Variants in NLGN1 observed in about 807,000 individuals in gnomAD.
NLGN1 encodes neuroligin-1.
A neutral mutation model predicts 65.5 loss-of-function variants in NLGN1; 12 were observed. The observed-to-expected ratio is 0.18, with a 90% CI of 0.12 to 0.30. NLGN1 has a LOEUF of 0.30. Ranked by LOEUF, NLGN1 falls within the 10% of genes least tolerant of loss-of-function variation. The pLI is 1.00. For missense variants in NLGN1, 750 were observed against 1,007.1 expected (o/e 0.74, Z 3.46); for synonymous variants, 350 against 359.5 (o/e 0.97, Z 0.30).
Position 174,280,985 on chromosome 3 carries a change from T to C in NLGN1, c.2154T>C (p.Thr718=), listed in dbSNP as rs767500671. Residue 718 remains threonine, a synonymous_variant, in exon 7 of 7, where the codon ACT becomes ACC. Transcript: ENST00000457714. The surrounding 1 kb of genome is among the most constrained non-coding windows in gnomAD (Gnocchi z 4.9). ...GGAGATGCAGCCCTCAGCGCACTAC[T>C]ACCAATGATCTAACCCATGCACAAG... is the stretch of plus-strand genomic sequence containing the variant. 11 of 1,613,282 alleles carry C rather than the reference T, an allele frequency of 6.8e-6. No individual in the cohort carries two copies. Among genetic ancestry groups the C allele is most frequent in the Non-Finnish European group, 9.3e-6 (11 of 1,179,608 alleles).
intron 4 of NLGN1, among the ~76,000 whole-genome samples, chr3:174,027,492 G>A (rs975388080): frequency 2.6e-5 from 4 of 152,140 alleles, no homozygotes; most frequent in Non-Finnish European, 5.9e-5. Flanking sequence ...GGTGCCAGAT[G>A]TATTTCAGAA....
At chr3:174,072,039 T>G (rs967125568) in intron 4 of NLGN1, among the ~76,000 whole-genome samples, 4 of 152,010 alleles carry the variant, frequency 2.6e-5, no homozygotes, top group African/African-American at 7.2e-5. Flanking sequence ...AATTAAAAGG[T>G]GGAAAAGATG....
downstream of NLGN1, among the ~76,000 whole-genome samples, chr3:174,291,619 T>A (rs1752771182): frequency 6.6e-6 from 1 of 151,306 alleles, no homozygotes; most frequent in Non-Finnish European, 1.5e-5. Context: ...GACGTTAGAA[T>A]GTAAGCAAGT....
intron 2 of NLGN1, among the ~76,000 whole-genome samples, chr3:173,571,459 T>C (rs9826965): frequency 0.47 from 71,822 of 151,996 alleles, 16,617 homozygotes; most frequent in East Asian, 0.73. Context: ...TGTCACACTT[T>C]TTATGTTGCA....
intron 2 of NLGN1, among the ~76,000 whole-genome samples, chr3:173,458,121 C>T (rs1722800622): frequency 1.3e-5 from 2 of 151,700 alleles, no homozygotes; most frequent in South Asian, 4.2e-4. Context: ...GGACTGAGGC[C>T]CCAGGTCTGC....
At chr3:173,403,167 CAG>C (rs1718016409) in intron 1 of NLGN1, among the ~76,000 whole-genome samples, 1 of 152,040 alleles carries the variant, frequency 6.6e-6, no homozygotes, top group African/African-American at 2.4e-5. Flanking sequence ...CATGATGTTA[CAG>C]AGTTTTTTTT....
intron 4 of NLGN1, among the ~76,000 whole-genome samples, chr3:174,176,450 G>A (rs1321258874): frequency 6.6e-6 from 1 of 151,954 alleles, no homozygotes; most frequent in Non-Finnish European, 1.5e-5. Flanking sequence ...TGTTGCAACA[G>A]AACTTTGCAT....
chr3:173,651,534 T>C (rs1759178080), intron 3 of NLGN1, among the ~76,000 whole-genome samples: 1 of 152,090 alleles, frequency 6.6e-6, no homozygotes, highest in Non-Finnish European at 1.5e-5. Flanking sequence ...TGAGAAGTCT[T>C]CATACTGTTT....
At chr3:173,545,942 CAG>C (rs1266236173) in intron 2 of NLGN1, among the ~76,000 whole-genome samples, 1 of 151,382 alleles carries the variant, frequency 6.6e-6, no homozygotes, top group African/African-American at 2.4e-5. Flanking sequence ...TGGGGCCTGT[CAG>C]GGGGTGGGGG....
intron 2 of NLGN1, among the ~76,000 whole-genome samples, chr3:173,480,655 TAATC>T (rs1204044972): frequency 2.0e-5 from 3 of 152,144 alleles, no homozygotes; most frequent in African/African-American, 7.2e-5. Context: ...ATTTTTTAAT[TAATC>T]AATAGGAAAT....
chr3:173,546,909 A>G lies in NLGN1; in HGVS notation c.-320-57370A>G, dbSNP rs117087859. ...TGCAAATATTATTTATAACTTAGAA[A>G]GTAATATGTGCATATGCATAAAAAA... is the stretch of plus-strand genomic sequence containing the variant. On this transcript the variant is annotated intron_variant, in intron 2 of 6. Transcript: ENST00000457714. Among the ~76,000 whole-genome samples the G allele has an allele frequency of 9.3e-4, 141 of 152,354 alleles. 1 individual carries two copies. In the East Asian group the frequency reaches 0.026, roughly 28 times the overall value.
intron 4 of NLGN1, among the ~76,000 whole-genome samples, chr3:173,936,959 G>A (rs1487369215): frequency 6.6e-6 from 1 of 152,004 alleles, no homozygotes; most frequent in African/African-American, 2.4e-5. Context: ...AAAGTAGCAT[G>A]TAAAAAGCAT....
intron 4 of NLGN1, among the ~76,000 whole-genome samples, chr3:173,889,933 A>T (rs1735026400): frequency 1.3e-5 from 2 of 152,040 alleles, no homozygotes; most frequent in African/African-American, 4.8e-5. Context: ...AAATTGTGGG[A>T]ACTGGTAGAG....
At chr3:173,412,563 T>C (rs62281609) in intron 1 of NLGN1, among the ~76,000 whole-genome samples, 40,402 of 150,844 alleles carry the variant, frequency 0.27, 5,514 homozygotes, top group Admixed American at 0.34. Flanking sequence ...AAACTCTATC[T>C]TAATTACCAC....
intron 3 of NLGN1, among the ~76,000 whole-genome samples, chr3:173,773,440 T>C (rs904958253): frequency 1.3e-5 from 2 of 152,218 alleles, no homozygotes; most frequent in Non-Finnish European, 2.9e-5. Flanking sequence ...AGTTTCACCT[T>C]GGAATTGGTT....
At chr3:173,924,092 T>C (rs1742560239) in intron 4 of NLGN1, among the ~76,000 whole-genome samples, 1 of 152,130 alleles carries the variant, frequency 6.6e-6, no homozygotes, top group Admixed American at 6.6e-5. Flanking sequence ...ACAGAGATCA[T>C]CCATCTCATT....
chr3:173,747,275 GT>G (rs1775592714), intron 3 of NLGN1, among the ~76,000 whole-genome samples: 1 of 129,954 alleles, frequency 7.7e-6, no homozygotes, highest in Non-Finnish European at 1.6e-5. Flanking sequence ...ATATCTTTAA[GT>G]ATATATATTT....
chr3:173,861,931 G>T lies in NLGN1; in HGVS notation c.646+54099G>T, dbSNP rs145830182. 3.1e-3 allele frequency among the ~76,000 whole-genome samples: 463 copies of T among 150,882 alleles called. 3 individuals carry two copies. The highest frequency in any genetic ancestry group is 0.01 in the African/African-American group (413 of 41,130). ...ACACCACCACACCCAACTAATTTTT[G>T]TGTGTGTGTGTATTTTTAGTAGAGA... On this transcript the variant is annotated intron_variant, in intron 4 of 6. Coordinates refer to ENST00000457714, the Ensembl canonical transcript of NLGN1.
chr3:173,605,121 T>C, intron 3 of NLGN1, 30 bp downstream of exon 2: 2 of 1,509,300 alleles, frequency 1.3e-6, no homozygotes, highest in Non-Finnish European at 1.8e-6. Context: ...AACAGGGAGA[T>C]ATATTTATAT....
Sources: gnomAD v4.1 joint callset for allele counts (sites outside exome capture counted in the v4.1 genomes callset) on GRCh38, gnomAD v4.1.1 for gene constraint, Gnocchi (gnomAD v3.1) non-coding constraint, MANE v1.5 for transcripts, NCBI Gene and HGNC (gene_info 2026-07-23, HGNC 2026-07-21) for gene names.